SYTL5: variants seen among roughly 807,000 people sequenced by gnomAD.
The protein encoded by SYTL5 is synaptotagmin-like protein 5.
SYTL5 carries 34 observed loss-of-function variants against 55.9 expected under a neutral mutation model. That is an observed-to-expected ratio of 0.61 (90% CI 0.46 to 0.81). SYTL5 has a LOEUF of 0.81. Among genes scored for constraint, SYTL5 ranks in the 30% least tolerant of loss-of-function variants. SYTL5 has a pLI of 0.00. For missense variants in SYTL5, 637 were observed against 546.7 expected (o/e 1.17, Z -1.65); for synonymous variants, 221 against 188.7 (o/e 1.17, Z -1.40).
chrX:37,893,697 A>ATATAATCTATAGATAAACTATAGATTATG, the SYTL5 span, among the ~76,000 whole-genome samples: 3 of 77,781 alleles, frequency 3.9e-5, no homozygotes, highest in Non-Finnish European at 6.6e-5. Context: ...TATAGATTAT[A>ATATAATCTATAGATAAACTATAGATTATG]TATAATCTAT....
the SYTL5 span, among the ~76,000 whole-genome samples, chrX:37,929,578 T>C: frequency 6.3e-5 from 7 of 111,742 alleles, no homozygotes; most frequent in African/African-American, 1.9e-4. Flanking sequence ...GAAGGTACCA[T>C]GCAGAGGAAA....
the SYTL5 span, among the ~76,000 whole-genome samples, chrX:37,993,710 T>A: frequency 8.9e-6 from 1 of 112,500 alleles, no homozygotes; most frequent in Non-Finnish European, 1.9e-5. Context: ...GTAAGTGACT[T>A]ACAGCTTCTA....
At chrX:38,000,131 G>A in the SYTL5 span, among the ~76,000 whole-genome samples, 6 of 111,730 alleles carry the variant, frequency 5.4e-5, no homozygotes, top group Non-Finnish European at 5.6e-5. Flanking sequence ...ATTTGGGGAA[G>A]CCCAGACAGG....
At chrX:38,095,707 A>G (rs1276995342) in intron 8 of SYTL5, among the ~76,000 whole-genome samples, 2 of 111,816 alleles carry the variant, frequency 1.8e-5, no homozygotes, top group African/African-American at 6.5e-5. Context: ...GTTGCATTGC[A>G]TTTTATGTCA....
At chrX:38,062,355 T>C (rs1301140607) in intron 3 of SYTL5, among the ~76,000 whole-genome samples, 2 of 112,379 alleles carry the variant, frequency 1.8e-5, no homozygotes, top group African/African-American at 6.5e-5. Flanking sequence ...CTATATGTCC[T>C]TGTGAGAATC....
the SYTL5 span, among the ~76,000 whole-genome samples, chrX:37,928,305 G>A: frequency 1.8e-5 from 2 of 111,665 alleles, no homozygotes; most frequent in Non-Finnish European, 3.8e-5. Context: ...TTCCAGAGAA[G>A]GAGCTTTCTC....
chrX:37,890,796 G>T, the SYTL5 span, among the ~76,000 whole-genome samples: 3 of 112,177 alleles, frequency 2.7e-5, no homozygotes, highest in Admixed American at 9.5e-5. Flanking sequence ...ACGAAAAGAT[G>T]CTCAACATAA....
the SYTL5 span, among the ~76,000 whole-genome samples, chrX:37,984,659 C>T: frequency 9.0e-6 from 1 of 111,111 alleles, no homozygotes; most frequent in Non-Finnish European, 1.9e-5. Context: ...GCCCAGATAC[C>T]AAAGCCAGAT....
At chrX:37,993,662 A>G in the SYTL5 span, among the ~76,000 whole-genome samples, 1 of 112,393 alleles carries the variant, frequency 8.9e-6, no homozygotes, top group Non-Finnish European at 1.9e-5. Context: ...AAATGTATAC[A>G]TGGAGGCAAA....
At chrX:38,078,844 G>T (rs985437285) in intron 6 of SYTL5, among the ~76,000 whole-genome samples, 5 of 112,429 alleles carry the variant, frequency 4.4e-5, no homozygotes, top group East Asian at 5.6e-4. Context: ...CTGAAAGAAA[G>T]TCCCTAAGTA....
At chrX:37,900,861 G>T in the SYTL5 span, among the ~76,000 whole-genome samples, 1 of 111,401 alleles carries the variant, frequency 9.0e-6, no homozygotes, top group Non-Finnish European at 1.9e-5. Flanking sequence ...GTGTGTGGAG[G>T]GGGCTTCAGA....
At chrX:38,068,387 C>T (rs1376810094) in intron 3 of SYTL5, among the ~76,000 whole-genome samples, 1 of 112,123 alleles carries the variant, frequency 8.9e-6, no homozygotes, top group Non-Finnish European at 1.9e-5. Flanking sequence ...GAACTAAAAA[C>T]AAAACTATTA....
chrX:38,109,272 G>A, intron 12 of SYTL5, among the ~76,000 whole-genome samples: 1 of 111,925 alleles, frequency 8.9e-6, no homozygotes, highest in Admixed American at 9.5e-5. Flanking sequence ...TTTCCAATGC[G>A]CTTTCACATA....
At chrX:37,956,144 G>C in the SYTL5 span, among the ~76,000 whole-genome samples, 2 of 112,164 alleles carry the variant, frequency 1.8e-5, no homozygotes, top group Non-Finnish European at 3.8e-5. Context: ...AGAGATTTTA[G>C]AATTCTACAT....
chrX:38,084,841 C>T (rs1022019711), intron 6 of SYTL5, among the ~76,000 whole-genome samples: 3 of 111,514 alleles, frequency 2.7e-5, no homozygotes, highest in African/African-American at 9.8e-5. Context: ...AATGAATGGG[C>T]TGCCTGAATT....
chrX:38,113,394 A>G (rs772030867), intron 13 of SYTL5, among the ~76,000 whole-genome samples: 8 of 112,290 alleles, frequency 7.1e-5, no homozygotes, highest in Admixed American at 4.7e-4. Flanking sequence ...CTTTGGAATT[A>G]TACCTAGATT....
chrX:38,121,607 C>T (rs1569194882), intron 14 of SYTL5, among the ~76,000 whole-genome samples: 1 of 112,571 alleles, frequency 8.9e-6, no homozygotes, highest in Non-Finnish European at 1.9e-5. Flanking sequence ...TAAAACGTAA[C>T]TGTGTTTGGG....
the SYTL5 span, chrX:37,991,218 G>A: frequency 2.2e-5 from 26 of 1,192,344 alleles, no homozygotes; most frequent in Non-Finnish European, 2.9e-5. Flanking sequence ...AGCCTTGAAG[G>A]GAACCTCACA....
At position 38,034,600 on chromosome X, in the gene SYTL5, A is replaced by T. The variant is rs1053359185; in HGVS notation, c.119+592A>T. ...TACCCCAGAAACCACTTGAATTTTT[A>T]AAAATAAGTTTCTTGTGAAGAAAGT... On this transcript the variant is annotated intron_variant, in intron 2 of 16. Transcript: ENST00000297875. 6.2e-5 allele frequency among the ~76,000 whole-genome samples: 7 copies of T among 112,466 alleles called. No individual in the cohort carries two copies. The South Asian group carries it at 1.5e-3, about 24-fold the overall frequency.
Sources: gnomAD v4.1 joint callset for allele counts (sites outside exome capture counted in the v4.1 genomes callset) on GRCh38, gnomAD v4.1.1 for gene constraint, MANE v1.5 for transcripts, NCBI Gene and HGNC (gene_info 2026-07-23, HGNC 2026-07-21) for gene names.